The following DAAM1 variants were observed in gnomAD, a reference collection of about 807,000 sequenced individuals.
DAAM1 encodes disheveled-associated activator of morphogenesis 1.
In DAAM1, 52 loss-of-function variants were observed where a neutral mutation model predicts 130.0. The observed-to-expected ratio is 0.40, with a 90% CI of 0.32 to 0.50. DAAM1 has a LOEUF of 0.50. Ranked by LOEUF, DAAM1 falls within the 20% of genes least tolerant of loss-of-function variation. The probability of loss-of-function intolerance (pLI) is 0.61; values close to 1 mark genes in which losing one functional copy is unlikely to be tolerated. For synonymous variants in DAAM1, 452 were observed against 444.5 expected, an observed-to-expected ratio of 1.02 and a Z score of -0.21; for missense variants, 1,134 against 1,303.8, an observed-to-expected ratio of 0.87 and a Z score of 2.01.
intron 1 of DAAM1, among the ~76,000 whole-genome samples, chr14:59,217,569 G>A (rs549286470): frequency 3.0e-4 from 45 of 152,280 alleles, no homozygotes; most frequent in Middle Eastern, 6.8e-3. Context: ...AGGCATGGTG[G>A]CTCATGCCTG....
At chr14:59,294,920 A>G (rs181827646) in intron 3 of DAAM1, among the ~76,000 whole-genome samples, 8 of 152,342 alleles carry the variant, frequency 5.3e-5, no homozygotes, top group Admixed American at 5.2e-4. Context: ...GTATACATGT[A>G]TTATGCTGAC....
rs148831209 is a variant in DAAM1, at chr14:59,359,476, C to G, written c.2605C>G (p.Arg869Gly). 5 of 1,613,474 alleles carry G rather than the reference C, an allele frequency of 3.1e-6. No individual in the cohort carries two copies. Among genetic ancestry groups the G allele is most frequent in the Non-Finnish European group, 4.2e-6 (5 of 1,179,664 alleles). ...PSVLNLNEEL[R>G]DIPQAAKVNM... Reference sequence around the variant, plus strand: ...TGTTCTCAATCTAAATGAAGAATTGCGAGATATTCCTCAAGCTGCGAAAGT... The same window carrying G: ...TGTTCTCAATCTAAATGAAGAATTGGGAGATATTCCTCAAGCTGCGAAAGT... The change falls in exon 21 of 25, where the codon CGA becomes GGA. Residue 869 changes from arginine to glycine, a missense_variant. Around this residue, in one of 3 missense-constraint regions of DAAM1, gnomAD observed 644 missense variants for 695.9 expected, o/e 0.93. Coordinates refer to ENST00000360909, the MANE Select transcript of DAAM1 (RefSeq NM_001270520.2).
At chr14:59,200,457 T>A (rs973345936) in intron 1 of DAAM1, among the ~76,000 whole-genome samples, 2 of 152,158 alleles carry the variant, frequency 1.3e-5, no homozygotes, top group African/African-American at 2.4e-5. Flanking sequence ...TTCCATTTTT[T>A]TTTTCCTCCC....
At chr14:59,284,701 C>T (rs61115639) in intron 2 of DAAM1, among the ~76,000 whole-genome samples, 49,942 of 151,954 alleles carry the variant, frequency 0.33, 9,462 homozygotes, top group East Asian at 0.56. Context: ...ACAGAATAGA[C>T]CAAACTGAGG....
chr14:59,347,313 T>TAGC (rs3830987), intron 16 of DAAM1, among the ~76,000 whole-genome samples: 62,512 of 151,754 alleles, frequency 0.41, 15,093 homozygotes, highest in East Asian at 0.84. Flanking sequence ...TCATAGAACA[T>TAGC]AGCAGCTTTG....
At chr14:59,258,060 G>C (rs1335250675) in intron 1 of DAAM1, among the ~76,000 whole-genome samples, 1 of 152,116 alleles carries the variant, frequency 6.6e-6, no homozygotes, top group African/African-American at 2.4e-5. Flanking sequence ...TAATGTTTTA[G>C]TTTTCTTGAT....
At chr14:59,335,594 A>C (rs887345348) in intron 15 of DAAM1, among the ~76,000 whole-genome samples, 5 of 152,212 alleles carry the variant, frequency 3.3e-5, no homozygotes, top group African/African-American at 1.2e-4. Context: ...CACTACATTT[A>C]CCTAAAGGGA....
intron 3 of DAAM1, among the ~76,000 whole-genome samples, chr14:59,294,608 G>A (rs906213603): frequency 1.3e-5 from 2 of 150,218 alleles, no homozygotes; most frequent in Non-Finnish European, 3.0e-5. Context: ...AAAGGGTTCT[G>A]TTAGTTGTGA....
intron 2 of DAAM1, among the ~76,000 whole-genome samples, chr14:59,279,766 G>A (rs922453865): frequency 1.3e-4 from 20 of 152,152 alleles, no homozygotes; most frequent in Non-Finnish European, 2.2e-4. Flanking sequence ...TAAAAAACAC[G>A]TGGTGATCAA....
intron 3 of DAAM1, among the ~76,000 whole-genome samples, chr14:59,307,674 T>TG (rs1358942017): frequency 2.0e-5 from 3 of 152,136 alleles, no homozygotes; most frequent in Non-Finnish European, 4.4e-5. Flanking sequence ...AGCAGAGCCC[T>TG]GGGGGGTCAG....
At chr14:59,330,779 G>A (rs1020362940) in intron 13 of DAAM1, 91 bp downstream of exon 13, 6 of 1,282,906 alleles carry the variant, frequency 4.7e-6, no homozygotes, top group African/African-American at 4.5e-5. Flanking sequence ...CATACTGGGG[G>A]AATAAAATCT....
chr14:59,366,928 A>AC (rs1886938753), intron 23 of DAAM1, among the ~76,000 whole-genome samples: 1 of 151,718 alleles, frequency 6.6e-6, no homozygotes, highest in Non-Finnish European at 1.5e-5. Context: ...TTAAAAAAAA[A>AC]AAAAACTAAT....
chr14:59,207,128 A>T (rs772014026), intron 1 of DAAM1, among the ~76,000 whole-genome samples: 34 of 152,232 alleles, frequency 2.2e-4, no homozygotes, highest in Non-Finnish European at 4.1e-4. Flanking sequence ...AGGTATCTAT[A>T]TGTCTGCCTG....
In DAAM1 at chr14:59,321,424, G is replaced by A. The variant is rs10136483; in HGVS notation, c.440+840G>A. ...ACTGAATTGTACACTTTAAAAGGGT[G>A]AATTTTATGGCATGTGAATTATTTC... On this transcript the variant is annotated intron_variant, in intron 5 of 24. Coordinates refer to ENST00000360909, the MANE Select transcript of DAAM1 (RefSeq NM_001270520.2). Among the ~76,000 whole-genome samples the A allele has an allele frequency of 2.4e-3, 365 of 152,274 alleles. 1 individual carries two copies. The highest frequency in any genetic ancestry group is 8.3e-3 in the African/African-American group (345 of 41,562).
chr14:59,337,767 A>G (rs1259651003), intron 15 of DAAM1, among the ~76,000 whole-genome samples: 1 of 152,060 alleles, frequency 6.6e-6, no homozygotes, highest in Non-Finnish European at 1.5e-5. Flanking sequence ...TCTTAATTGC[A>G]TGTTCTTTTT....
intron 5 of DAAM1, among the ~76,000 whole-genome samples, chr14:59,320,786 CAGAG>C (rs200240332): frequency 6.6e-6 from 1 of 151,792 alleles, no homozygotes; most frequent in East Asian, 1.9e-4. Context: ...AAAAACAAAA[CAGAG>C]AGAGACTTTA....
At chr14:59,322,485 C>A (rs1885048635) in intron 5 of DAAM1, among the ~76,000 whole-genome samples, 1 of 141,390 alleles carries the variant, frequency 7.1e-6, no homozygotes, top group South Asian at 2.4e-4. Flanking sequence ...CAGAGCAAGA[C>A]CCTGTCTCTC....
intron 1 of DAAM1, among the ~76,000 whole-genome samples, chr14:59,242,759 C>T (rs139322040): frequency 0.02 from 2,995 of 152,102 alleles, 62 homozygotes; most frequent in Non-Finnish European, 0.033. Context: ...AGGGTTTCAC[C>T]GTGTTAGCCA....
At chr14:59,281,529 G>C (rs905024419) in intron 2 of DAAM1, among the ~76,000 whole-genome samples, 7 of 151,380 alleles carry the variant, frequency 4.6e-5, no homozygotes, top group African/African-American at 1.7e-4. Flanking sequence ...GCTGTTGGAG[G>C]AGGAGGAGGA....
Sources: allele counts gnomAD v4.1 joint callset (sites outside exome capture counted in the v4.1 genomes callset), GRCh38; gene constraint gnomAD v4.1.1; regional missense constraint gnomAD v4.1.1; transcripts MANE v1.5; gene names NCBI Gene and HGNC (gene_info 2026-07-23, HGNC 2026-07-21).